Variants in LCMT1 observed in about 807,000 individuals in gnomAD.
The protein encoded by LCMT1 is leucine carboxyl methyltransferase 1.
LCMT1 carries 32 observed loss-of-function variants against 47.7 expected under a neutral mutation model. The observed-to-expected ratio is 0.67, with a 90% confidence interval of 0.51 to 0.90. The LOEUF (loss-of-function observed/expected upper bound fraction) is 0.90. Ranked by LOEUF, LCMT1 falls within the 40% of genes least tolerant of loss-of-function variation. LCMT1 has a pLI of 0.00. For missense variants in LCMT1, 375 were observed against 415.2 expected, an observed-to-expected ratio of 0.90 and a Z score of 0.84; for synonymous variants, 152 against 149.7, an observed-to-expected ratio of 1.02 and a Z score of -0.11.
chr16:25,128,835 A>G (rs969623204), intron 2 of LCMT1, among the ~76,000 whole-genome samples: 5 of 146,352 alleles, frequency 3.4e-5, no homozygotes, highest in Admixed American at 6.9e-5. Context: ...GCATGTTCTC[A>G]CTCATAAATG....
chr16:25,116,502 C>T (rs573860428), intron 1 of LCMT1, among the ~76,000 whole-genome samples: 1 of 152,148 alleles, frequency 6.6e-6, no homozygotes, highest in East Asian at 1.9e-4. Flanking sequence ...ACAACATGGC[C>T]TTCCTATGGG....
intron 3 of LCMT1, among the ~76,000 whole-genome samples, chr16:25,133,292 C>G (rs1002546621): frequency 2.0e-5 from 3 of 149,282 alleles, no homozygotes; most frequent in Non-Finnish European, 3.0e-5. Context: ...CTGATTTGGT[C>G]TCTTAACTGC....
chr16:25,130,811 C>T (rs911574581), intron 2 of LCMT1, among the ~76,000 whole-genome samples: 1 of 152,100 alleles, frequency 6.6e-6, no homozygotes, highest in Non-Finnish European at 1.5e-5. Context: ...AACTCCAGAG[C>T]GTAAAGAGAA....
intron 6 of LCMT1, among the ~76,000 whole-genome samples, chr16:25,163,018 G>A (rs966867169): frequency 3.3e-5 from 5 of 152,130 alleles, no homozygotes; most frequent in African/African-American, 9.7e-5. Context: ...CCACAGCAGT[G>A]CACCACCACA....
chr16:25,135,587 T>C (rs886875176), intron 3 of LCMT1, among the ~76,000 whole-genome samples: 2 of 152,174 alleles, frequency 1.3e-5, no homozygotes, highest in African/African-American at 4.8e-5. Flanking sequence ...TCTCTAAAAG[T>C]GTAGCGAAAA....
At position 25,162,179 on chromosome 16, in the gene LCMT1, A is replaced by G. The variant is rs1489458241; in HGVS notation, c.569+975A>G. Reference sequence around the variant, plus strand: ...ATAAGGAGGATGTTCATTGTAGTTCATGAGTCTGGGAACCGAGTCCAGCTG... The same window carrying G: ...ATAAGGAGGATGTTCATTGTAGTTCGTGAGTCTGGGAACCGAGTCCAGCTG... On this transcript the variant is annotated intron_variant, in intron 6 of 10. Coordinates refer to ENST00000399069, the MANE Select transcript of LCMT1 (RefSeq NM_016309.3). Among the ~76,000 whole-genome samples, 6 of 152,342 alleles carry G rather than the reference A, an allele frequency of 3.9e-5. No homozygotes were observed. The South Asian group carries it at 6.2e-4, about 16-fold the overall frequency.
intron 6 of LCMT1, 25 bp downstream of exon 6, chr16:25,161,229 T>C: frequency 7.6e-7 from 1 of 1,312,680 alleles, no homozygotes; most frequent in Non-Finnish European, 1.1e-6. Flanking sequence ...TTTAAACCTC[T>C]TCTGCATTTG....
chr16:25,125,563 G>A (rs9673501), intron 1 of LCMT1, among the ~76,000 whole-genome samples: 1,654 of 152,082 alleles, frequency 0.011, 23 homozygotes, highest in African/African-American at 0.036. Context: ...GGTCGGGCGC[G>A]GTGGCTCACA....
intron 3 of LCMT1, among the ~76,000 whole-genome samples, chr16:25,137,526 C>T (rs1346112324): frequency 6.6e-6 from 1 of 152,040 alleles, no homozygotes; most frequent in Non-Finnish European, 1.5e-5. Flanking sequence ...CTCACTGTAG[C>T]CTCCTCCTCC....
intron 6 of LCMT1, among the ~76,000 whole-genome samples, chr16:25,162,114 CT>C (rs749489027): frequency 2.0e-5 from 3 of 152,164 alleles, no homozygotes; most frequent in Non-Finnish European, 4.4e-5. Flanking sequence ...AGCAGTTCCA[CT>C]TTCGTGGGTG....
chr16:25,138,377 G>T (rs1456838631), intron 3 of LCMT1, among the ~76,000 whole-genome samples: 1 of 152,172 alleles, frequency 6.6e-6, no homozygotes, highest in Non-Finnish European at 1.5e-5. Context: ...AGAGGCATCA[G>T]CAGGGCTGAA....
At chr16:25,164,414 G>A (rs1478049517) in intron 6 of LCMT1, among the ~76,000 whole-genome samples, 184 bp from the exon 7 acceptor site, 1 of 152,138 alleles carries the variant, frequency 6.6e-6, no homozygotes, top group African/African-American at 2.4e-5. Flanking sequence ...CCTTTTCACA[G>A]TAGAAAGCTC....
intron 6 of LCMT1, among the ~76,000 whole-genome samples, chr16:25,162,965 G>T (rs947558916): frequency 6.6e-6 from 1 of 152,154 alleles, no homozygotes; most frequent in Non-Finnish European, 1.5e-5. Context: ...GAATCTCCCA[G>T]GCTCAAGTGA....
rs796481471 is a variant in LCMT1 at position 25,116,656 on chromosome 16, G to A, written c.113+4660G>A. ...ATCCTAGCACTTGGAGAAGCCAAGCGGATCACTTGAGCTCAGGAGTTCAAG... is the reference window on the plus strand; with the variant it reads ...ATCCTAGCACTTGGAGAAGCCAAGCAGATCACTTGAGCTCAGGAGTTCAAG... On this transcript the variant is annotated intron_variant, in intron 1 of 10. Coordinates refer to ENST00000399069, the MANE Select transcript of LCMT1 (RefSeq NM_016309.3). Among the ~76,000 whole-genome samples, 23 of 150,654 alleles carry A rather than the reference G, an allele frequency of 1.5e-4. 1 individual carries two copies. Among genetic ancestry groups the A allele is most frequent in the African/African-American group, 4.9e-4 (20 of 40,672 alleles).
At chr16:25,132,934 TAC>T (rs1345608167) in intron 3 of LCMT1, among the ~76,000 whole-genome samples, 1 of 151,644 alleles carries the variant, frequency 6.6e-6, no homozygotes, top group Non-Finnish European at 1.5e-5. Flanking sequence ...CATGGCTCAT[TAC>T]AGCCTCGAAC....
chr16:25,111,795 T>C lies in LCMT1; in HGVS notation c.-89T>C. On this transcript the variant is annotated 5_prime_UTR_variant, in exon 1 of 11. Coordinates refer to ENST00000399069, the MANE Select transcript of LCMT1 (RefSeq NM_016309.3). ...TAGGGCCCTACCCTCTTCTGTTGCT[T>C]TCTCCCTGTGGCTCGCGCCGTCCCC... 1.1e-6 allele frequency: 1 copy of C among 882,340 alleles called. No homozygotes were observed. Among genetic ancestry groups the C allele is most frequent in the Non-Finnish European group, 1.8e-6 (1 of 540,590 alleles). The allele number at this position is 882,340 out of a possible 1,614,324, so 54.7% of individuals were successfully genotyped here.
chr16:25,155,137 A>G (rs1006866267), intron 5 of LCMT1, among the ~76,000 whole-genome samples: 1 of 152,198 alleles, frequency 6.6e-6, no homozygotes, highest in Non-Finnish European at 1.5e-5. Context: ...CAACTGTTAG[A>G]TGCATCCTGA....
intron 4 of LCMT1, chr16:25,146,716 G>A (rs1275648573): frequency 6.6e-6 from 1 of 152,232 alleles, no homozygotes; most frequent in Non-Finnish European, 1.5e-5. Flanking sequence ...CTGACTGAAG[G>A]ATAAAATGCA....
chr16:25,153,079 A>G (rs981773179), intron 5 of LCMT1, among the ~76,000 whole-genome samples: 2 of 152,122 alleles, frequency 1.3e-5, no homozygotes, highest in Non-Finnish European at 2.9e-5. Context: ...CAGGGACATG[A>G]GAGGAGGGAA....
Sources: gnomAD v4.1 joint callset for allele counts (sites outside exome capture counted in the v4.1 genomes callset) on GRCh38, gnomAD v4.1.1 for gene constraint, MANE v1.5 for transcripts, NCBI Gene and HGNC (gene_info 2026-07-23, HGNC 2026-07-21) for gene names.